The following WDR27 variants were observed in gnomAD, a reference collection of about 807,000 sequenced individuals.
The protein encoded by WDR27 is WD repeat-containing protein 27.
In WDR27, 100 loss-of-function variants were observed where a neutral mutation model predicts 114.4. That is an observed-to-expected ratio of 0.87 (90% CI 0.74 to 1.03). The LOEUF is 1.03. Ranked by LOEUF, WDR27 falls within the 50% of genes least tolerant of loss-of-function variation. WDR27 has a pLI of 0.00. For missense variants in WDR27, 1,129 were observed against 1,092.9 expected, an observed-to-expected ratio of 1.03 and a Z score of -0.47; for synonymous variants, 449 against 423.1, an observed-to-expected ratio of 1.06 and a Z score of -0.75.
chr6:169,679,589 T>C (rs1455300676), intron 2 of WDR27, among the ~76,000 whole-genome samples: 2 of 152,174 alleles, frequency 1.3e-5, no homozygotes, highest in Non-Finnish European at 2.9e-5. Context: ...AATCTGGTCA[T>C]TTAAAAGTGT....
intron 18 of WDR27, 23 bp downstream of exon 18, chr6:169,638,516 T>C: frequency 1.9e-6 from 3 of 1,609,194 alleles, no homozygotes; most frequent in Non-Finnish European, 2.5e-6. Context: ...TGACTGCCCA[T>C]GGCAGAGATG....
At chr6:169,574,828 C>T (rs745473371) in intron 24 of WDR27, among the ~76,000 whole-genome samples, 19 of 152,268 alleles carry the variant, frequency 1.2e-4, no homozygotes, top group Non-Finnish European at 2.4e-4. Context: ...AGGCCAATAG[C>T]TTATCTCTGC....
At chr6:169,658,671 A>G (rs967460473) in intron 12 of WDR27, among the ~76,000 whole-genome samples, 2 of 151,602 alleles carry the variant, frequency 1.3e-5, no homozygotes, top group African/African-American at 4.8e-5. Context: ...TAGCATTGGC[A>G]GAGCTCCGAG....
At chr6:169,672,847 G>A (rs776271776) in intron 2 of WDR27, among the ~76,000 whole-genome samples, 5 of 152,064 alleles carry the variant, frequency 3.3e-5, no homozygotes, top group African/African-American at 9.7e-5. Context: ...CAGGTGTGGC[G>A]ACCTTGGCAA....
rs763808220 is a variant in WDR27, at chr6:169,663,082, C to T, written c.905-658G>A. Among the ~76,000 whole-genome samples the T allele has an allele frequency of 3.9e-4, 60 of 152,110 alleles. 1 individual carries two copies. The highest frequency in any genetic ancestry group is 7.2e-4 in the Admixed American group (11 of 15,288). On this transcript the variant is annotated intron_variant, in intron 8 of 25. Transcript: ENST00000448612. ...CCATGGAGTCACTCAGATCACGCAT[C>T]GAGGAAAGCACTAAGGTAACACCCA...
At chr6:169,467,986 T>C (rs1785833056) in intron 25 of WDR27, among the ~76,000 whole-genome samples, 1 of 152,230 alleles carries the variant, frequency 6.6e-6, no homozygotes, top group Non-Finnish European at 1.5e-5. Context: ...CTTGAACACT[T>C]TGCAGCTTAG....
At position 169,610,495 on chromosome 6, in the gene WDR27, C is replaced by G. The variant is rs2128182333; in HGVS notation, c.2321+3064G>C. 1.3e-5 allele frequency among the ~76,000 whole-genome samples: 2 copies of G among 152,274 alleles called. 1 individual carries two copies. The highest frequency in any genetic ancestry group is 4.2e-4 in the South Asian group (2 of 4,816). On this transcript the variant is annotated intron_variant, in intron 22 of 25. Transcript: ENST00000448612. ...AAGCAGAAACCCCTGACAAAACCAT[C>G]AGATCTCATGAGACTTATTCACTAC...
chr6:169,582,879 G>T lies in WDR27; in HGVS notation c.2480C>A (p.Thr827Lys). The T allele has an allele frequency of 6.2e-7, 1 of 1,613,962 alleles. No individual in the cohort carries two copies. The highest frequency in any genetic ancestry group is 1.1e-5 in the South Asian group (1 of 91,054). ...STFSHRLAGH[T>K]DTVTGVAFNP... ...GAAGGCCACTCCAGTGACAGTGTCT[G>T]TGTGCCCAGCCAGCCGGTGAGAAAA... Residue 827 changes from threonine (T) to lysine (K), a missense_variant, in exon 24 of 26, where the codon ACA becomes AAA. Thr to Lys is a moderately conservative substitution (Grantham distance 78, BLOSUM62 -1). Transcript: ENST00000448612.
At chr6:169,558,602 T>C (rs929159185) in intron 25 of WDR27, 14 of 151,758 alleles carry the variant, frequency 9.2e-5, no homozygotes, top group African/African-American at 3.4e-4. Context: ...GGATGACGAG[T>C]CTCTGCAGTG....
intron 13 of WDR27, among the ~76,000 whole-genome samples, chr6:169,655,489 C>T (rs1216733843): frequency 6.6e-6 from 1 of 152,204 alleles, no homozygotes; most frequent in East Asian, 1.9e-4. Flanking sequence ...CAACAGAACG[C>T]TGTATAGCAA....
intron 13 of WDR27, among the ~76,000 whole-genome samples, chr6:169,654,652 G>C (rs926056403): frequency 2.0e-5 from 3 of 152,236 alleles, no homozygotes; most frequent in African/African-American, 4.8e-5. Flanking sequence ...AGCAGCTTTT[G>C]CTGCAAAGCG....
At chr6:169,577,808 G>A (rs572741514) in intron 24 of WDR27, among the ~76,000 whole-genome samples, 6 of 152,262 alleles carry the variant, frequency 3.9e-5, no homozygotes, top group Admixed American at 3.9e-4. Flanking sequence ...GGTTTGCGCT[G>A]GGACACTGGT....
At chr6:169,455,038 G>A (rs763393034), downstream of WDR27, among the ~76,000 whole-genome samples, 2 of 152,202 alleles carry the variant, frequency 1.3e-5, no homozygotes, top group Non-Finnish European at 2.9e-5. Flanking sequence ...TCTGAACCTG[G>A]ACTTTCCTTG....
At chr6:169,426,966 G>A in the WDR27 span, 3 of 144,618 alleles carry the variant, frequency 2.1e-5, no homozygotes, top group Non-Finnish European at 3.1e-5. Context: ...TGTGGTGGTG[G>A]GGGCAGTGGG....
chr6:169,429,687 A>G, the WDR27 span, among the ~76,000 whole-genome samples: 2 of 152,130 alleles, frequency 1.3e-5, no homozygotes, highest in East Asian at 3.9e-4. Context: ...AGGCATTTCA[A>G]CTTTGTCGGG....
At chr6:169,440,782 T>G in the WDR27 span, among the ~76,000 whole-genome samples, 1 of 152,214 alleles carries the variant, frequency 6.6e-6, no homozygotes, top group African/African-American at 2.4e-5. Flanking sequence ...CTTTTTGTTC[T>G]AATTGTACTA....
chr6:169,551,539 A>G (rs994974163), intron 25 of WDR27, among the ~76,000 whole-genome samples: 2 of 152,102 alleles, frequency 1.3e-5, no homozygotes, highest in Non-Finnish European at 2.9e-5. Context: ...GTTCGAGACC[A>G]GCCTGGCCAA....
In WDR27 at chr6:169,496,296, C is replaced by T. The variant is rs954436389; in HGVS notation, c.2646-38662G>A. Reference sequence around the variant, plus strand: ...ACAAAGCAGAAATAGAAGGAAACTACCTCAACACAAGAAAAGCCATATATG... The same window carrying T: ...ACAAAGCAGAAATAGAAGGAAACTATCTCAACACAAGAAAAGCCATATATG... On this transcript the variant is annotated intron_variant, in intron 25 of 25. Coordinates refer to ENST00000448612, the MANE Select transcript of WDR27 (RefSeq NM_182552.5). 1.2e-4 allele frequency among the ~76,000 whole-genome samples: 18 copies of T among 152,084 alleles called. 1 individual carries two copies. The highest frequency in any genetic ancestry group is 4.2e-4 in the South Asian group (2 of 4,808).
intron 25 of WDR27, among the ~76,000 whole-genome samples, chr6:169,484,360 T>G (rs1646169548): frequency 6.6e-6 from 1 of 152,124 alleles, no homozygotes; most frequent in Non-Finnish European, 1.5e-5. Context: ...CAAATATCAC[T>G]AGCATTCTTA....
Sources: gnomAD v4.1 joint callset for allele counts (sites outside exome capture counted in the v4.1 genomes callset) on GRCh38, gnomAD v4.1.1 for gene constraint, MANE v1.5 for transcripts, NCBI Gene and HGNC (gene_info 2026-07-23, HGNC 2026-07-21) for gene names.